Variants in MTAP observed in about 807,000 individuals in gnomAD.
MTAP encodes the protein S-methyl-5'-thioadenosine phosphorylase.
A neutral mutation model predicts 33.6 loss-of-function variants in MTAP; 33 were observed. The observed-to-expected ratio is 0.98, with a 90% CI of 0.74 to 1.31. The LOEUF (loss-of-function observed/expected upper bound fraction) is 1.31. Ranked by LOEUF, MTAP falls within the 40% of genes most tolerant of loss-of-function variation. The pLI is 0.00. For synonymous variants in MTAP, 148 were observed against 125.7 expected (o/e 1.18, Z -1.19); for missense variants, 367 against 360.0 (o/e 1.02, Z -0.16).
At chr9:21,855,762 C>A (rs758642304) in intron 6 of MTAP, among the ~76,000 whole-genome samples, 1 of 152,122 alleles carries the variant, frequency 6.6e-6, no homozygotes. Flanking sequence ...ATAATGAATT[C>A]CAGGTACCCA....
rs1354619946 is a variant in MTAP, at chr9:21,866,581, A to C, written c.*4567A>C. On this transcript the variant is annotated 3_prime_UTR_variant, in exon 8 of 8. Transcript: ENST00000644715. ...GTTTATCTGTGAATCTGGATGATCT[A>C]TTTATGTCATTTATCTATGTGTCTC... is the stretch of plus-strand genomic sequence containing the variant. The C allele has an allele frequency of 6.6e-6, 1 of 152,044 alleles. No individual in the cohort carries two copies. The highest frequency in any genetic ancestry group is 1.5e-5 in the Non-Finnish European group (1 of 67,982). 9.4% of individuals were successfully genotyped at this position (152,044 alleles called of 1,614,324 possible). A position where few individuals can be genotyped will look rare whatever the true frequency, so the allele number is the denominator to read the frequency against.
At chr9:21,831,183 C>A (rs542220008) in intron 4 of MTAP, among the ~76,000 whole-genome samples, 33 of 152,270 alleles carry the variant, frequency 2.2e-4, no homozygotes, top group Admixed American at 1.2e-3. Flanking sequence ...ATTAAAGATA[C>A]ATGGACAGGG....
At chr9:21,807,994 C>T (rs1046522270) in intron 1 of MTAP, among the ~76,000 whole-genome samples, 1 of 152,200 alleles carries the variant, frequency 6.6e-6, no homozygotes, top group African/African-American at 2.4e-5. Flanking sequence ...GCCTCAAAAG[C>T]ATCTAAAGCA....
intron 2 of MTAP, among the ~76,000 whole-genome samples, chr9:21,816,389 T>C (rs752087116): frequency 1.3e-5 from 2 of 152,126 alleles, no homozygotes; most frequent in Non-Finnish European, 2.9e-5. Context: ...TCACACCTGT[T>C]CTCAAACCTG....
intron 1 of MTAP, among the ~76,000 whole-genome samples, chr9:21,901,787 A>G (rs534981457): frequency 6.6e-6 from 1 of 152,344 alleles, no homozygotes; most frequent in South Asian, 2.1e-4. Flanking sequence ...TAGGCTATTT[A>G]CAGCCAATGC....
intron 1 of MTAP, among the ~76,000 whole-genome samples, chr9:21,877,250 A>C (rs1041691682): frequency 2.6e-5 from 4 of 152,102 alleles, no homozygotes; most frequent in Non-Finnish European, 5.9e-5. Flanking sequence ...GTGGTGAAGG[A>C]GATTTTGGGC....
At chr9:21,883,620 C>A (rs1307919272) in intron 1 of MTAP, among the ~76,000 whole-genome samples, 1 of 151,168 alleles carries the variant, frequency 6.6e-6, no homozygotes, top group Non-Finnish European at 1.5e-5. Flanking sequence ...GGAAAGAGTA[C>A]CTAAGGAAAG....
chr9:21,818,102 G>A lies in MTAP; in HGVS notation c.247G>A (p.Glu83Lys). 6.2e-7 allele frequency: 1 copy of A among 1,613,964 alleles called. No individual in the cohort carries two copies. The part of the protein sequence containing the change: ...NYQANIWALK[E>K]EGCTHVIVTT... ...CCAGGCGAACATCTGGGCTTTGAAGGAAGAGGGCTGTACACATGTCATAGT... is the reference window on the plus strand; with the variant it reads ...CCAGGCGAACATCTGGGCTTTGAAGAAAGAGGGCTGTACACATGTCATAGT... The change falls in exon 4 of 8, where the codon GAA becomes AAA. Residue 83 changes from glutamate to lysine, a missense_variant. Transcript: ENST00000644715.
chr9:21,850,635 G>T (rs1465806018), intron 5 of MTAP, among the ~76,000 whole-genome samples: 1 of 152,188 alleles, frequency 6.6e-6, no homozygotes, highest in African/African-American at 2.4e-5. Flanking sequence ...GCAAGGTCCT[G>T]CCATCTTCTG....
At chr9:21,904,940 G>A (rs1818451271) in intron 1 of MTAP, among the ~76,000 whole-genome samples, 1 of 152,172 alleles carries the variant, frequency 6.6e-6, no homozygotes, top group Non-Finnish European at 1.5e-5. Context: ...ACGGGGTGTG[G>A]CTCACTTCTT....
intron 2 of MTAP, 98 bp from the exon 3 acceptor site, chr9:21,816,616 T>G (rs1824481800): frequency 1.0e-6 from 1 of 983,878 alleles, no homozygotes; most frequent in African/African-American, 1.6e-5. Context: ...ATCCTCAGAC[T>G]CTTCAGATTC....
At chr9:21,831,268 C>T (rs957900546) in intron 4 of MTAP, among the ~76,000 whole-genome samples, 20 of 152,114 alleles carry the variant, frequency 1.3e-4, no homozygotes, top group Admixed American at 3.3e-4. Flanking sequence ...ATCAGTACAC[C>T]ATATTTATTA....
chr9:21,904,675 C>G (rs2118821679), intron 1 of MTAP, among the ~76,000 whole-genome samples: 1 of 152,284 alleles, frequency 6.6e-6, no homozygotes, highest in Non-Finnish European at 1.5e-5. Flanking sequence ...AGAGATTTAT[C>G]TGACTCATGA....
intron 4 of MTAP, among the ~76,000 whole-genome samples, chr9:21,835,096 C>T (rs533826484): frequency 6.6e-6 from 1 of 152,174 alleles, no homozygotes; most frequent in Non-Finnish European, 1.5e-5. Context: ...AACCTACTTT[C>T]TCACAGATAG....
At chr9:21,818,294 G>T in intron 4 of MTAP, 92 bp downstream of exon 4, 1 of 1,044,804 alleles carries the variant, frequency 9.6e-7, no homozygotes. Context: ...GCAACTGGGA[G>T]GGCAGTGCCA....
downstream of MTAP, among the ~76,000 whole-genome samples, chr9:21,869,871 A>G (rs1825910809): frequency 6.6e-6 from 1 of 151,150 alleles, no homozygotes; most frequent in South Asian, 2.1e-4. Flanking sequence ...ATCTGTACAA[A>G]ATGCTATTTC....
At chr9:21,877,212 A>AT (rs1587269387) in intron 1 of MTAP, among the ~76,000 whole-genome samples, 1 of 152,078 alleles carries the variant, frequency 6.6e-6, no homozygotes, top group African/African-American at 2.4e-5. Context: ...TTGATTTTGT[A>AT]TCCTGAAATT....
chr9:21,938,447 A>G (rs751269529), downstream of MTAP, among the ~76,000 whole-genome samples: 9 of 151,938 alleles, frequency 5.9e-5, no homozygotes, highest in Non-Finnish European at 1.2e-4. Context: ...AAAAAAAAGA[A>G]AGAAAGAAAG....
chr9:21,853,910 GA>G (rs1293477045), intron 5 of MTAP, among the ~76,000 whole-genome samples: 1 of 151,968 alleles, frequency 6.6e-6, no homozygotes. Context: ...AATAAGCTAA[GA>G]AAAAATGAAG....
Sources: allele counts gnomAD v4.1 joint callset (sites outside exome capture counted in the v4.1 genomes callset), GRCh38; gene constraint gnomAD v4.1.1; transcripts MANE v1.5; gene names NCBI Gene and HGNC (gene_info 2026-07-23, HGNC 2026-07-21).